Variants in NSRP1 observed in about 807,000 individuals in gnomAD.
NSRP1 encodes coiled-coil domain containing 55.
In NSRP1, 24 loss-of-function variants were observed where a neutral mutation model predicts 54.7. That is an observed-to-expected ratio of 0.44 (90% confidence interval 0.32 to 0.62). NSRP1 has a LOEUF of 0.62. NSRP1 is among the 20% of genes least tolerant of loss of function. The pLI is 0.06. For missense variants in NSRP1, 596 were observed against 651.2 expected (o/e 0.92, Z 0.92); for synonymous variants, 210 against 213.8 (o/e 0.98, Z 0.15).
intron 2 of NSRP1, among the ~76,000 whole-genome samples, chr17:30,147,698 C>T (rs771861351): frequency 1.3e-4 from 19 of 150,116 alleles, no homozygotes; most frequent in Non-Finnish European, 2.5e-4. Context: ...CTCCTGATGT[C>T]GTGATCTGCC....
chr17:30,182,823 A>G (rs1905359570), intron 6 of NSRP1, among the ~76,000 whole-genome samples: 1 of 149,656 alleles, frequency 6.7e-6, no homozygotes. Context: ...TGTCCCAGCT[A>G]CTTGGGAGGC....
chr17:30,117,535 G>A (rs1436636878), intron 1 of NSRP1: 15 of 405,890 alleles, frequency 3.7e-5, no homozygotes, highest in Non-Finnish European at 5.2e-5. Flanking sequence ...CAAAGCACAT[G>A]ATCTTAATAA....
intron 2 of NSRP1, among the ~76,000 whole-genome samples, chr17:30,165,858 A>AT (rs1245589380): frequency 6.6e-6 from 1 of 152,206 alleles, no homozygotes; most frequent in South Asian, 2.1e-4. Context: ...AGCAGAATAG[A>AT]TTTTTCTAAT....
At chr17:30,119,149 G>A (rs768838143) in intron 2 of NSRP1, among the ~76,000 whole-genome samples, 22 of 151,000 alleles carry the variant, frequency 1.5e-4, no homozygotes, top group Non-Finnish European at 2.5e-4. Context: ...GAGTGGGATG[G>A]TGCAGTCTTG....
intron 2 of NSRP1, among the ~76,000 whole-genome samples, chr17:30,132,716 C>A (rs1271370494): frequency 2.0e-5 from 3 of 152,230 alleles, no homozygotes; most frequent in Non-Finnish European, 4.4e-5. Context: ...TCTACCCCAT[C>A]TGTAGCCACT....
At chr17:30,124,794 G>A (rs1411359816) in intron 2 of NSRP1, among the ~76,000 whole-genome samples, 1 of 152,054 alleles carries the variant, frequency 6.6e-6, no homozygotes, top group Non-Finnish European at 1.5e-5. Flanking sequence ...CTTAGTGAAC[G>A]GAATATAAAA....
chr17:30,184,339 C>T (rs1320553813), intron 6 of NSRP1, among the ~76,000 whole-genome samples: 1 of 152,216 alleles, frequency 6.6e-6, no homozygotes, highest in Non-Finnish European at 1.5e-5. Flanking sequence ...AAGACCTGTA[C>T]AGACCCTTGC....
intron 1 of NSRP1, 79 bp from the exon 2 acceptor site, chr17:30,118,001 A>G: frequency 9.1e-7 from 1 of 1,102,820 alleles, no homozygotes; most frequent in East Asian, 2.4e-5. Flanking sequence ...TGGTAGCTTC[A>G]TGTGGAAGAG....
intron 5 of NSRP1, 147 bp from the exon 6 acceptor site, chr17:30,180,761 G>T: frequency 1.9e-6 from 1 of 539,860 alleles, no homozygotes; most frequent in Non-Finnish European, 3.3e-6. Flanking sequence ...TATGAAAACA[G>T]GCAACAGGCC....
chr17:30,116,875 G>C lies in NSRP1; in HGVS notation c.20+12G>C. 1 of 1,571,232 alleles carries C rather than the reference G, an allele frequency of 6.4e-7. No individual in the cohort carries two copies. The highest frequency in any genetic ancestry group is 8.6e-7 in the Non-Finnish European group (1 of 1,157,686). On this transcript the variant is annotated intron_variant, in intron 1 of 6. Transcript: ENST00000247026. ...ATTCCGGGCAGGCAGTGAGTGATCC[G>C]GGAGTTAGGGTCAGGCTGGGGGATG...
chr17:30,120,873 G>A (rs1453360269), intron 2 of NSRP1, among the ~76,000 whole-genome samples: 2 of 152,216 alleles, frequency 1.3e-5, no homozygotes, highest in South Asian at 2.1e-4. Flanking sequence ...TAACAGTAGC[G>A]TTACAGAATG....
At chr17:30,143,959 A>G (rs1246595133) in intron 2 of NSRP1, 1 of 152,166 alleles carries the variant, frequency 6.6e-6, no homozygotes, top group Non-Finnish European at 1.5e-5. Flanking sequence ...TACATGTACC[A>G]TGTACCCACA....
intron 2 of NSRP1, chr17:30,163,176 C>T (rs1284852191): frequency 1.3e-5 from 2 of 149,328 alleles, no homozygotes; most frequent in Non-Finnish European, 2.9e-5. Context: ...TGTACCACCA[C>T]ATCCGGCTAA....
At chr17:30,155,069 A>G (rs897882501) in intron 2 of NSRP1, among the ~76,000 whole-genome samples, 1 of 152,140 alleles carries the variant, frequency 6.6e-6, no homozygotes, top group African/African-American at 2.4e-5. Flanking sequence ...AAGTTACTCC[A>G]TCTGGGTAAT....
At chr17:30,140,631 C>T (rs1427860780) in intron 2 of NSRP1, among the ~76,000 whole-genome samples, 11 of 145,210 alleles carry the variant, frequency 7.6e-5, no homozygotes, top group African/African-American at 2.1e-4. Flanking sequence ...CAGGCTCAAG[C>T]GATTCTCCTG....
At chr17:30,178,640 T>A (rs981497174) in intron 4 of NSRP1, among the ~76,000 whole-genome samples, 1 of 152,170 alleles carries the variant, frequency 6.6e-6, no homozygotes, top group Non-Finnish European at 1.5e-5. Flanking sequence ...AGTTCAGATT[T>A]TCTTTCTATC....
At position 30,134,899 on chromosome 17, in the gene NSRP1, A is replaced by G. The variant is rs538003265; in HGVS notation, c.114+16726A>G. ...GTTGTGTTCAAATGTGCTTTTTATC[A>G]TGTGAAATTACACAACTTTGCCTTC... On this transcript the variant is annotated intron_variant, in intron 2 of 6. Transcript: ENST00000247026. 1.9e-4 allele frequency among the ~76,000 whole-genome samples: 29 copies of G among 152,298 alleles called. 1 individual carries two copies. The South Asian group carries it at 3.5e-3, about 19-fold the overall frequency.
intron 5 of NSRP1, among the ~76,000 whole-genome samples, chr17:30,179,784 A>G (rs1438521640): frequency 1.3e-5 from 2 of 152,220 alleles, no homozygotes; most frequent in Non-Finnish European, 2.9e-5. Flanking sequence ...TTAATGCTTT[A>G]CCTTAGTGCT....
intron 2 of NSRP1, among the ~76,000 whole-genome samples, chr17:30,159,956 C>A (rs1229236921): frequency 6.6e-6 from 1 of 152,144 alleles, no homozygotes. Flanking sequence ...GCCATCGTGC[C>A]CGGCCAAGGT....
Sources: gnomAD v4.1 joint callset for allele counts (sites outside exome capture counted in the v4.1 genomes callset) on GRCh38, gnomAD v4.1.1 for gene constraint, MANE v1.5 for transcripts, NCBI Gene and HGNC (gene_info 2026-07-23, HGNC 2026-07-21) for gene names.